Variants in ERC1 observed in about 807,000 individuals in gnomAD.
The protein encoded by ERC1 is RAB6 interacting protein 2.
A neutral mutation model predicts 132.0 loss-of-function variants in ERC1; 56 were observed. The observed-to-expected ratio is 0.42, with a 90% confidence interval of 0.34 to 0.53. The LOEUF (loss-of-function observed/expected upper bound fraction) is 0.53, where lower values mean the gene tolerates loss of function less well. Ranked by LOEUF, ERC1 falls within the 20% of genes least tolerant of loss-of-function variation. ERC1 has a pLI of 0.03. For missense variants in ERC1, 1,202 were observed against 1,349.9 expected, an observed-to-expected ratio of 0.89 and a Z score of 1.72; for synonymous variants, 478 against 476.1, an observed-to-expected ratio of 1.00 and a Z score of -0.05.
intron 8 of ERC1, among the ~76,000 whole-genome samples, chr12:1,169,192 G>A (rs1952782547): frequency 6.6e-6 from 1 of 151,512 alleles, no homozygotes. Context: ...TGGGTATGGT[G>A]GATGCTGCGA....
At chr12:1,148,531 C>T (rs967416264) in intron 8 of ERC1, among the ~76,000 whole-genome samples, 1 of 152,166 alleles carries the variant, frequency 6.6e-6, no homozygotes, top group African/African-American at 2.4e-5. Context: ...TTTTATGTGT[C>T]TTAAAACTTA....
chr12:1,072,107 AAAAAC>A (rs1480661621), intron 2 of ERC1, among the ~76,000 whole-genome samples: 2 of 152,166 alleles, frequency 1.3e-5, no homozygotes, highest in African/African-American at 2.4e-5. Flanking sequence ...TCTCAAAAAA[AAAAAC>A]AAAAAAGTGT....
intron 7 of ERC1, among the ~76,000 whole-genome samples, chr12:1,134,463 C>T (rs775657396): frequency 1.3e-5 from 2 of 151,832 alleles, no homozygotes; most frequent in African/African-American, 2.4e-5. Context: ...CTTCCTGCTT[C>T]AGCCCCCTGA....
intron 15 of ERC1, among the ~76,000 whole-genome samples, chr12:1,307,523 G>A (rs1566547101): frequency 2.0e-5 from 3 of 152,184 alleles, no homozygotes; most frequent in Admixed American, 1.3e-4. Flanking sequence ...ACTTTTAGCT[G>A]TGGGTGCATC....
intron 15 of ERC1, among the ~76,000 whole-genome samples, chr12:1,333,877 A>G (rs7972290): frequency 2.6e-5 from 4 of 151,990 alleles, no homozygotes; most frequent in Non-Finnish European, 5.9e-5. Flanking sequence ...CCAACAATGT[A>G]TAAGTGTTCA....
intron 17 of ERC1, among the ~76,000 whole-genome samples, chr12:1,413,621 A>G (rs1192328273): frequency 1.3e-5 from 2 of 152,178 alleles, no homozygotes; most frequent in Non-Finnish European, 2.9e-5. Context: ...AAAAAAAGAA[A>G]AAGAAATTGG....
intron 1 of ERC1, among the ~76,000 whole-genome samples, chr12:1,012,734 G>A (rs886549403): frequency 3.9e-5 from 6 of 152,134 alleles, no homozygotes; most frequent in African/African-American, 1.4e-4. Flanking sequence ...GATTACAGGC[G>A]TGAGCCACTG....
intron 1 of ERC1, among the ~76,000 whole-genome samples, chr12:1,004,396 T>G (rs1216231772): frequency 3.4e-5 from 5 of 146,682 alleles, no homozygotes; most frequent in African/African-American, 7.5e-5. Flanking sequence ...TCTTTTTTTC[T>G]TTCTCTTTTT....
At chr12:1,024,842 G>GAAAAAAAAAAAA (rs201143939) in intron 1 of ERC1, among the ~76,000 whole-genome samples, 2 of 72,508 alleles carry the variant, frequency 2.8e-5, no homozygotes, top group South Asian at 4.2e-4. Context: ...AAAAAAAGTG[G>GAAAAAAAAAAAA]AAAAAAAAAA....
At chr12:994,095 A>AAAAAAAAAT (rs1960275615) in intron 1 of ERC1, among the ~76,000 whole-genome samples, 1 of 138,414 alleles carries the variant, frequency 7.2e-6, no homozygotes, top group African/African-American at 2.5e-5. Context: ...AAAAAAAAAA[A>AAAAAAAAAT]GTGAAGGTTT....
intron 2 of ERC1, among the ~76,000 whole-genome samples, chr12:1,082,273 G>T (rs907583964): frequency 1.3e-5 from 2 of 151,662 alleles, no homozygotes; most frequent in African/African-American, 2.4e-5. Context: ...TGATGTGCCC[G>T]ACTCGGCCTC....
chr12:1,250,357 C>T (rs2076395637), intron 13 of ERC1, among the ~76,000 whole-genome samples: 1 of 152,106 alleles, frequency 6.6e-6, no homozygotes, highest in Non-Finnish European at 1.5e-5. Flanking sequence ...TTTAATCATG[C>T]TTTATTGTTT....
chr12:1,121,554 C>T (rs1431482198), intron 7 of ERC1, among the ~76,000 whole-genome samples: 1 of 152,188 alleles, frequency 6.6e-6, no homozygotes, highest in East Asian at 1.9e-4. Flanking sequence ...ATTGATTGAT[C>T]TCTTCATTCA....
chr12:1,364,515 T>C (rs921548476), intron 15 of ERC1, among the ~76,000 whole-genome samples: 5 of 152,238 alleles, frequency 3.3e-5, no homozygotes, highest in African/African-American at 1.2e-4. Context: ...TAGAGCTGCC[T>C]CTTCAGCTTC....
chr12:1,122,343 G>C (rs55705991), intron 7 of ERC1, among the ~76,000 whole-genome samples: 1 of 16 alleles, frequency 0.062, no homozygotes, highest in Non-Finnish European at 0.1. Context: ...CTCTATCTGT[G>C]TCTCTATCTC....
intron 13 of ERC1, chr12:1,244,402 C>T: frequency 2.9e-6 from 1 of 345,384 alleles, no homozygotes; most frequent in Non-Finnish European, 6.0e-6. Context: ...ACACTACTAC[C>T]TTATTTCTGT....
At chr12:1,434,238 C>T (rs143116804) in intron 17 of ERC1, among the ~76,000 whole-genome samples, 27 of 152,300 alleles carry the variant, frequency 1.8e-4, no homozygotes, top group African/African-American at 4.8e-4. Flanking sequence ...CTCACTAAAA[C>T]TGGACGTGGC....
At chr12:1,417,435 CTTT>C (rs748237380) in intron 17 of ERC1, among the ~76,000 whole-genome samples, 2 of 145,082 alleles carry the variant, frequency 1.4e-5, no homozygotes. Context: ...ACTGCTGCTG[CTTT>C]TTTTTTTTTT....
rs147036779 is a variant in ERC1, at chr12:1,313,177, T to G, written c.2780+23165T>G. Among the ~76,000 whole-genome samples the G allele has an allele frequency of 3.2e-3, 482 of 152,154 alleles. 2 individuals carry two copies. The highest frequency in any genetic ancestry group is 0.011 in the African/African-American group (458 of 41,482). ...TGCAAAATGGTGGCATACAGAAGCC[T>G]TTCCTACATATTCCAGAATATGAAG... On this transcript the variant is annotated intron_variant, in intron 15 of 18. Coordinates refer to ENST00000360905, the MANE Select transcript of ERC1 (RefSeq NM_178040.4).
Sources: gnomAD v4.1 joint callset for allele counts (sites outside exome capture counted in the v4.1 genomes callset) on GRCh38, gnomAD v4.1.1 for gene constraint, MANE v1.5 for transcripts, NCBI Gene and HGNC (gene_info 2026-07-23, HGNC 2026-07-21) for gene names.